The following AUTS2 variants were observed in gnomAD, a reference collection of about 807,000 sequenced individuals.
The protein encoded by AUTS2 is autism susceptibility gene 2 protein.
AUTS2 carries 17 observed loss-of-function variants against 112.4 expected under a neutral mutation model. That is an observed-to-expected ratio of 0.15 (90% CI 0.10 to 0.23). AUTS2 has a LOEUF of 0.23. Ranked by LOEUF, AUTS2 falls within the 10% of genes least tolerant of loss-of-function variation. The pLI is 1.00. For synonymous variants in AUTS2, 751 were observed against 702.7 expected (o/e 1.07, Z -1.09); for missense variants, 1,510 against 1,701.6 (o/e 0.89, Z 1.98).
At chr7:70,410,355 A>G (rs913975814) in intron 4 of AUTS2, among the ~76,000 whole-genome samples, 1 of 152,124 alleles carries the variant, frequency 6.6e-6, no homozygotes, top group Non-Finnish European at 1.5e-5. Context: ...TTCATATCTT[A>G]AATCTGGAAA....
At chr7:69,733,804 T>A (rs1786907284) in intron 1 of AUTS2, among the ~76,000 whole-genome samples, 1 of 152,168 alleles carries the variant, frequency 6.6e-6, no homozygotes, top group African/African-American at 2.4e-5. Flanking sequence ...CATTCAACAT[T>A]GTTAAAACAC....
chr7:69,601,769 A>G (rs1440044894), intron 1 of AUTS2, among the ~76,000 whole-genome samples: 1 of 152,134 alleles, frequency 6.6e-6, no homozygotes, highest in Non-Finnish European at 1.5e-5. Context: ...TGGTTACCAT[A>G]CAGTGTGACC....
At chr7:70,452,543 C>CACCATTG (rs1453291106) in intron 5 of AUTS2, among the ~76,000 whole-genome samples, 3 of 152,102 alleles carry the variant, frequency 2.0e-5, no homozygotes, top group Admixed American at 1.3e-4. Context: ...GCTGGTCCCC[C>CACCATTG]ACCATTGACC....
At chr7:70,261,942 A>C (rs980285687) in intron 4 of AUTS2, among the ~76,000 whole-genome samples, 3 of 152,032 alleles carry the variant, frequency 2.0e-5, no homozygotes, top group Admixed American at 2.0e-4. Flanking sequence ...TTTGTTTTCA[A>C]CTGTTTTTTC....
intron 5 of AUTS2, among the ~76,000 whole-genome samples, chr7:70,444,546 C>A (rs1169831831): frequency 6.6e-6 from 1 of 152,068 alleles, no homozygotes. Context: ...AAGAAGTCCC[C>A]AGATTCAACA....
chr7:70,681,141 C>T (rs953074143), intron 5 of AUTS2, among the ~76,000 whole-genome samples: 2 of 152,242 alleles, frequency 1.3e-5, no homozygotes, highest in Non-Finnish European at 2.9e-5. Context: ...CAGCCCACCA[C>T]ACTTGGCCAG....
At chr7:70,137,763 C>T (rs945050882) in intron 4 of AUTS2, among the ~76,000 whole-genome samples, 3 of 152,104 alleles carry the variant, frequency 2.0e-5, no homozygotes, top group African/African-American at 4.8e-5. Flanking sequence ...ATAAGTACTG[C>T]CTTCTGTTAT....
intron 2 of AUTS2, among the ~76,000 whole-genome samples, chr7:69,901,978 G>C (rs1794986843): frequency 6.6e-6 from 1 of 152,148 alleles, no homozygotes; most frequent in Non-Finnish European, 1.5e-5. Context: ...GTGTTGTAAA[G>C]GTCTGTAAAG....
chr7:69,925,883 G>A (rs1280597791), intron 2 of AUTS2, among the ~76,000 whole-genome samples: 2 of 152,196 alleles, frequency 1.3e-5, no homozygotes, highest in Non-Finnish European at 2.9e-5. Flanking sequence ...AACTGGGTAT[G>A]GTGGTGCGCC....
chr7:70,396,101 A>G (rs1794069020), intron 4 of AUTS2, among the ~76,000 whole-genome samples: 1 of 152,170 alleles, frequency 6.6e-6, no homozygotes, highest in African/African-American at 2.4e-5. Context: ...GTACAATTTA[A>G]TAAGTTTTGA....
chr7:70,135,365 T>C (rs1454240988), intron 4 of AUTS2, among the ~76,000 whole-genome samples: 1 of 152,206 alleles, frequency 6.6e-6, no homozygotes, highest in Non-Finnish European at 1.5e-5. Flanking sequence ...AAGTCTGTTG[T>C]GATGCTTAAA....
intron 2 of AUTS2, among the ~76,000 whole-genome samples, chr7:69,928,781 T>G (rs1350454457): frequency 2.0e-5 from 3 of 152,130 alleles, no homozygotes; most frequent in Non-Finnish European, 4.4e-5. Flanking sequence ...CAGCTGCAGC[T>G]GCACCTGGGA....
chr7:70,359,652 A>G (rs531518030), intron 4 of AUTS2, among the ~76,000 whole-genome samples: 11 of 152,262 alleles, frequency 7.2e-5, no homozygotes, highest in Non-Finnish European at 1.0e-4. Context: ...ACTTCCAAGG[A>G]GAGTGTTCAT....
At chr7:70,529,345 T>C (rs1799985171) in intron 5 of AUTS2, among the ~76,000 whole-genome samples, 1 of 152,210 alleles carries the variant, frequency 6.6e-6, no homozygotes, top group Admixed American at 6.5e-5. Flanking sequence ...AAAGCAATCA[T>C]GTGAGCTAGA....
intron 1 of AUTS2, among the ~76,000 whole-genome samples, chr7:69,724,553 C>A (rs1344994627): frequency 2.0e-5 from 3 of 152,144 alleles, no homozygotes; most frequent in Non-Finnish European, 4.4e-5. Context: ...TTTAACGGCA[C>A]AGAAAGCAAA....
At chr7:70,355,902 G>T (rs1233878480) in intron 4 of AUTS2, among the ~76,000 whole-genome samples, 1 of 152,170 alleles carries the variant, frequency 6.6e-6, no homozygotes, top group Non-Finnish European at 1.5e-5. Flanking sequence ...CTGTACAAAG[G>T]TTCCTTGTAA....
At chr7:70,162,579 G>T (rs1269466090) in intron 4 of AUTS2, among the ~76,000 whole-genome samples, 2 of 149,642 alleles carry the variant, frequency 1.3e-5, no homozygotes, top group Non-Finnish European at 3.0e-5. Context: ...GTCTTTGAGA[G>T]TCTTCTTCCA....
chr7:70,550,731 A>G (rs1344304738), intron 5 of AUTS2, among the ~76,000 whole-genome samples: 1 of 152,228 alleles, frequency 6.6e-6, no homozygotes. Flanking sequence ...ATAGATACAA[A>G]TAGTCACATA....
chr7:70,145,242 T>C (rs1301906485), intron 4 of AUTS2, among the ~76,000 whole-genome samples: 2 of 152,130 alleles, frequency 1.3e-5, no homozygotes, highest in African/African-American at 4.8e-5. Context: ...TATAGATACA[T>C]CTGGAAAGAG....
Sources: allele counts gnomAD v4.1 joint callset (sites outside exome capture counted in the v4.1 genomes callset), GRCh38; gene constraint gnomAD v4.1.1; transcripts MANE v1.5; gene names NCBI Gene and HGNC (gene_info 2026-07-23, HGNC 2026-07-21).